Variants in KCTD16 observed in about 807,000 individuals in gnomAD.
The protein encoded by KCTD16 is potassium channel tetramerization domain containing 16, also known as BTB/POZ domain-containing protein KCTD16.
In KCTD16, 13 loss-of-function variants were observed where a neutral mutation model predicts 33.2. The ratio of observed to expected loss-of-function variants is 0.39; its 90% CI spans 0.25 to 0.62. The LOEUF is 0.62. Among genes scored for constraint, KCTD16 ranks in the 20% least tolerant of loss-of-function variants. The probability of loss-of-function intolerance (pLI) is 0.50; values close to 1 mark genes in which losing one functional copy is unlikely to be tolerated. For missense variants in KCTD16, 441 were observed against 525.1 expected (o/e 0.84, Z 1.57); for synonymous variants, 197 against 195.3 (o/e 1.01, Z -0.07).
intron 3 of KCTD16, among the ~76,000 whole-genome samples, chr5:144,429,587 G>A (rs1267109021): frequency 6.6e-6 from 1 of 152,078 alleles, no homozygotes; most frequent in Non-Finnish European, 1.5e-5. Flanking sequence ...GGCTATGATT[G>A]GCAAGGTCTG....
rs142300712 is a variant in KCTD16, at chr5:144,415,163, C to A, written c.833-58497C>A. Among the ~76,000 whole-genome samples, 71 of 152,184 alleles carry A rather than the reference C, an allele frequency of 4.7e-4. 1 individual carries two copies. The East Asian group carries it at 0.013, about 28-fold the overall frequency. On this transcript the variant is annotated intron_variant, in intron 3 of 3. Transcript: ENST00000512467. ...GTGAGAGAGCGGAAACAAGAGGGAG[C>A]CAATCTCGTCCTTTTGTAAGAAACC...
At chr5:144,345,558 T>G (rs1284244503) in intron 3 of KCTD16, among the ~76,000 whole-genome samples, 1 of 152,152 alleles carries the variant, frequency 6.6e-6, no homozygotes, top group Admixed American at 6.5e-5. Context: ...TCTTATCCAT[T>G]CACTCAGAAG....
At chr5:144,211,078 A>G (rs1362907129) in intron 3 of KCTD16, among the ~76,000 whole-genome samples, 2 of 152,148 alleles carry the variant, frequency 1.3e-5, no homozygotes, top group Non-Finnish European at 2.9e-5. Flanking sequence ...TTGCTTCCAC[A>G]GAAGTCTCTA....
At chr5:144,254,094 G>A (rs1754776990) in intron 3 of KCTD16, among the ~76,000 whole-genome samples, 3 of 151,996 alleles carry the variant, frequency 2.0e-5, no homozygotes, top group Middle Eastern at 6.8e-3. Flanking sequence ...GGTCTTTGGA[G>A]AAAACCAATC....
chr5:144,420,292 G>A (rs971148414), intron 3 of KCTD16, among the ~76,000 whole-genome samples: 1 of 152,112 alleles, frequency 6.6e-6, no homozygotes, highest in Non-Finnish European at 1.5e-5. Flanking sequence ...AAGAGTAACG[G>A]AGATAAAGAG....
At chr5:144,326,235 C>T (rs1332541140) in intron 3 of KCTD16, among the ~76,000 whole-genome samples, 1 of 152,096 alleles carries the variant, frequency 6.6e-6, no homozygotes, top group Non-Finnish European at 1.5e-5. Flanking sequence ...TTCAAGAACA[C>T]CATCTCTAAC....
chr5:144,336,569 C>G (rs559993085), intron 3 of KCTD16, among the ~76,000 whole-genome samples: 2 of 152,282 alleles, frequency 1.3e-5, no homozygotes, highest in African/African-American at 4.8e-5. Flanking sequence ...ATGCTATGCT[C>G]TGCTTACATC....
intron 3 of KCTD16, among the ~76,000 whole-genome samples, chr5:144,284,341 CAA>C (rs1276409322): frequency 6.6e-6 from 1 of 152,172 alleles, no homozygotes; most frequent in Non-Finnish European, 1.5e-5. Flanking sequence ...AAAGACAAAA[CAA>C]GAGCTATCCA....
At chr5:144,385,677 G>A (rs908283107) in intron 3 of KCTD16, among the ~76,000 whole-genome samples, 3 of 152,194 alleles carry the variant, frequency 2.0e-5, no homozygotes, top group African/African-American at 7.2e-5. Flanking sequence ...GTCAACTCTT[G>A]GTTCCAATCC....
chr5:144,398,767 A>G (rs1395976227), intron 3 of KCTD16, among the ~76,000 whole-genome samples: 3 of 151,974 alleles, frequency 2.0e-5, no homozygotes, highest in Non-Finnish European at 2.9e-5. Flanking sequence ...ACTCTGGTAC[A>G]GACTTTCCTG....
intron 3 of KCTD16, among the ~76,000 whole-genome samples, chr5:144,222,360 G>A (rs1303189605): frequency 6.6e-6 from 1 of 152,080 alleles, no homozygotes; most frequent in Non-Finnish European, 1.5e-5. Context: ...TAATAATGTG[G>A]TGTGGGGTAT....
At chr5:144,203,888 T>G (rs1262597901) in intron 2 of KCTD16, among the ~76,000 whole-genome samples, 2 of 152,342 alleles carry the variant, frequency 1.3e-5, no homozygotes, top group Non-Finnish European at 1.5e-5. Context: ...TTGGCCCTAT[T>G]AAGTTGCCAG....
intron 3 of KCTD16, among the ~76,000 whole-genome samples, chr5:144,457,851 T>A (rs1754103045): frequency 6.6e-6 from 1 of 152,150 alleles, no homozygotes; most frequent in Non-Finnish European, 1.5e-5. Flanking sequence ...TCATATAACT[T>A]GACAGTACCG....
chr5:144,330,973 A>G (rs958437904), intron 3 of KCTD16, among the ~76,000 whole-genome samples: 4 of 152,238 alleles, frequency 2.6e-5, no homozygotes, highest in Non-Finnish European at 5.9e-5. Flanking sequence ...GTAGGAATGT[A>G]AAGTGAGGAA....
chr5:144,287,510 A>G (rs777701506), intron 3 of KCTD16, among the ~76,000 whole-genome samples: 4 of 152,234 alleles, frequency 2.6e-5, no homozygotes, highest in Non-Finnish European at 5.9e-5. Flanking sequence ...TCCATCCAAG[A>G]TTAATGGCTG....
intron 3 of KCTD16, among the ~76,000 whole-genome samples, chr5:144,248,859 A>G (rs1179773706): frequency 6.6e-6 from 1 of 152,182 alleles, no homozygotes; most frequent in African/African-American, 2.4e-5. Flanking sequence ...TGAGTTTGAC[A>G]TGCCTATTCG....
intron 3 of KCTD16, among the ~76,000 whole-genome samples, chr5:144,299,907 A>C (rs980173539): frequency 6.1e-5 from 9 of 147,612 alleles, no homozygotes; most frequent in South Asian, 4.2e-4. Context: ...TTAAAAAAAA[A>C]AAAAAAAACA....
At chr5:144,279,893 C>T (rs1192550944) in intron 3 of KCTD16, among the ~76,000 whole-genome samples, 2 of 152,104 alleles carry the variant, frequency 1.3e-5, no homozygotes. Context: ...CATAAATGAA[C>T]CTTACATTTT....
At chr5:144,226,632 G>GCAT (rs1753939409) in intron 3 of KCTD16, among the ~76,000 whole-genome samples, 1 of 151,734 alleles carries the variant, frequency 6.6e-6, no homozygotes, top group African/African-American at 2.4e-5. Context: ...AAGTGCAGTG[G>GCAT]CATCGTCTTG....
Sources: allele counts gnomAD v4.1 joint callset (sites outside exome capture counted in the v4.1 genomes callset), GRCh38; gene constraint gnomAD v4.1.1; transcripts MANE v1.5; gene names NCBI Gene and HGNC (gene_info 2026-07-23, HGNC 2026-07-21).